ACBD3: variants seen among roughly 807,000 people sequenced by gnomAD.
ACBD3 encodes Golgi resident protein GCP60.
In ACBD3, 30 loss-of-function variants were observed where a neutral mutation model predicts 66.9. The observed-to-expected ratio is 0.45, with a 90% CI of 0.34 to 0.61. The LOEUF (loss-of-function observed/expected upper bound fraction) is 0.61. Among genes scored for constraint, ACBD3 ranks in the 20% least tolerant of loss-of-function variants. The pLI, the probability that ACBD3 is intolerant of heterozygous loss-of-function variation, is 0.02. For synonymous variants in ACBD3, 278 were observed against 259.8 expected (o/e 1.07, Z -0.68); for missense variants, 544 against 664.5 (o/e 0.82, Z 1.99).
At chr1:226,158,756 G>A (rs964463937) in intron 5 of ACBD3, among the ~76,000 whole-genome samples, 1 of 152,156 alleles carries the variant, frequency 6.6e-6, no homozygotes, top group African/African-American at 2.4e-5. Flanking sequence ...AAGTCAAATG[G>A]ACCCAATCTA....
At chr1:226,150,626 C>T (rs892278550) in intron 7 of ACBD3, among the ~76,000 whole-genome samples, 1 of 152,202 alleles carries the variant, frequency 6.6e-6, no homozygotes, top group Non-Finnish European at 1.5e-5. Flanking sequence ...ATCCACCCAC[C>T]TCGGCCTCCC....
At chr1:226,180,675 C>T (rs1318070173) in intron 1 of ACBD3, among the ~76,000 whole-genome samples, 1 of 152,098 alleles carries the variant, frequency 6.6e-6, no homozygotes, top group African/African-American at 2.4e-5. Flanking sequence ...AAAGGGAAGC[C>T]TCGGGAAAAT....
intron 7 of ACBD3, among the ~76,000 whole-genome samples, chr1:226,148,833 C>T (rs149141602): frequency 6.6e-6 from 1 of 152,292 alleles, no homozygotes; most frequent in East Asian, 1.9e-4. Flanking sequence ...TGGACAAATA[C>T]AATTTGTGAG....
chr1:226,166,301 C>T (rs1659877367), intron 1 of ACBD3, among the ~76,000 whole-genome samples: 1 of 151,140 alleles, frequency 6.6e-6, no homozygotes, highest in East Asian at 2.0e-4. Context: ...ACTACACGTG[C>T]GTGCCACCAA....
At chr1:226,157,046 C>A (rs555803027) in intron 5 of ACBD3, among the ~76,000 whole-genome samples, 6 of 152,006 alleles carry the variant, frequency 3.9e-5, no homozygotes, top group Non-Finnish European at 8.8e-5. Context: ...GGTATAAAAG[C>A]AACGTATCAA....
In ACBD3 at chr1:226,150,790, G is replaced by A. The variant is rs186535360; in HGVS notation, c.1375+1545C>T. ...TAAAGACTGATGAAAACAAAATGCC[G>A]TGTAAGACAAAGCAGCTCATGCTTC... On this transcript the variant is annotated intron_variant, in intron 7 of 7. Transcript: ENST00000366812. Among the ~76,000 whole-genome samples, 462 of 152,298 alleles carry A rather than the reference G, an allele frequency of 3.0e-3. 1 individual carries two copies. Among genetic ancestry groups the A allele is most frequent in the African/African-American group, 0.011 (438 of 41,568 alleles).
intron 6 of ACBD3, among the ~76,000 whole-genome samples, chr1:226,153,478 A>T (rs1659615582): frequency 6.6e-6 from 1 of 152,168 alleles, no homozygotes; most frequent in Admixed American, 6.5e-5. Flanking sequence ...ATCTCAGGTC[A>T]ATTGTCCCTT....
Position 226,161,568 on chromosome 1 carries a change from G to T in ACBD3, c.691C>A (p.Arg231=). Reference sequence around the variant, plus strand: ...AACCGAAGCCTTTCTTCTTCTATCCGTCTCCTTTCCTCTTCCTCCCGTCGA... The same window carrying T: ...AACCGAAGCCTTTCTTCTTCTATCCTTCTCCTTTCCTCTTCCTCCCGTCGA... ...RLRREEEERR[R]IEEERLRLEQ... The change falls in exon 4 of 8, where the codon CGG becomes AGG. Residue 231 remains arginine, a synonymous_variant. Coordinates refer to ENST00000366812, the MANE Select transcript of ACBD3 (RefSeq NM_022735.4). 1 of 1,612,934 alleles carries T rather than the reference G, an allele frequency of 6.2e-7. No homozygotes were observed. The highest frequency in any genetic ancestry group is 1.3e-5 in the African/African-American group (1 of 74,610).
chr1:226,167,337 C>A (rs1176650070), intron 1 of ACBD3, among the ~76,000 whole-genome samples: 1 of 152,176 alleles, frequency 6.6e-6, no homozygotes, highest in African/African-American at 2.4e-5. Flanking sequence ...AGCTATGTGA[C>A]TATTTAACCT....
intron 4 of ACBD3, among the ~76,000 whole-genome samples, 153 bp downstream of exon 4, chr1:226,161,360 CATCTCCCAACCTCAGGTG>C (rs1230308643): frequency 3.3e-5 from 5 of 151,958 alleles, no homozygotes; most frequent in East Asian, 1.9e-4. Context: ...GGATAGTCTC[CATCTCCCAACCTCAGGTG>C]ATCTCCCAAC....
chr1:226,149,712 T>A (rs1659530253), intron 7 of ACBD3, among the ~76,000 whole-genome samples: 2 of 150,752 alleles, frequency 1.3e-5, no homozygotes, highest in African/African-American at 2.4e-5. Context: ...AGCTAGTTTT[T>A]TGTATTTTTG....
At chr1:226,158,620 C>A (rs573077476) in intron 5 of ACBD3, among the ~76,000 whole-genome samples, 14 of 152,330 alleles carry the variant, frequency 9.2e-5, no homozygotes, top group African/African-American at 3.4e-4. Context: ...ATGAGACTCC[C>A]AGTCCCATGT....
chr1:226,185,579 T>C (rs1467592647), intron 1 of ACBD3, among the ~76,000 whole-genome samples: 4 of 151,654 alleles, frequency 2.6e-5, no homozygotes, highest in African/African-American at 4.9e-5. Flanking sequence ...AAAAATCATG[T>C]GATTGGTCTC....
rs1656315576 is a variant in ACBD3 at position 226,186,493 on chromosome 1, C to A, written c.183G>T (p.Gly61=). 1.3e-6 allele frequency: 2 copies of A among 1,486,254 alleles called. No individual in the cohort carries two copies. The highest frequency in any genetic ancestry group is 1.8e-6 in the Non-Finnish European group (2 of 1,120,546). The allele number at this position is 1,486,254 out of a possible 1,614,324, so 92.1% of individuals were successfully genotyped here. A position where few individuals can be genotyped will look rare whatever the true frequency, so the allele number is the denominator to read the frequency against. The change falls in exon 1 of 8, where the codon GGG becomes GGT. Residue 61 remains glycine (G), a synonymous_variant. Transcript: ENST00000366812. ...PGASGEQPEP[G]EAAAGGAAEE... ...CCGCCGCGCCCCCAGCCGCCGCCTC[C>A]CCGGGCTCGGGCTGCTCCCCTGAGG...
At chr1:226,161,126 C>T (rs980666535) in intron 4 of ACBD3, among the ~76,000 whole-genome samples, 8 of 149,670 alleles carry the variant, frequency 5.3e-5, no homozygotes, top group African/African-American at 2.0e-4. Flanking sequence ...AAGTGAACCC[C>T]CAAACCTTCT....
At chr1:226,172,152 T>C (rs1443913909) in intron 1 of ACBD3, among the ~76,000 whole-genome samples, 1 of 490 alleles carries the variant, frequency 2.0e-3, no homozygotes, top group Non-Finnish European at 5.4e-3. Context: ...CAAAACTCCA[T>C]CTCAAAAAAA....
At chr1:226,170,939 C>T (rs1323723001) in intron 1 of ACBD3, among the ~76,000 whole-genome samples, 1 of 151,764 alleles carries the variant, frequency 6.6e-6, no homozygotes, top group Admixed American at 6.6e-5. Flanking sequence ...GCCACTATGC[C>T]CAGTTAATTT....
At position 226,146,759 on chromosome 1, in the gene ACBD3, C is replaced by T; in HGVS notation, c.1438G>A (p.Val480Met). The T allele has an allele frequency of 6.2e-7, 1 of 1,614,162 alleles. No homozygotes were observed. Among genetic ancestry groups the T allele is most frequent in the Non-Finnish European group, 8.5e-7 (1 of 1,180,030 alleles). The change falls in exon 8 of 8, where the codon GTG (valine) becomes ATG (methionine). Residue 480 changes from valine (V) to methionine (M), a missense_variant. Around this residue, in one of 3 missense-constraint regions of ACBD3, gnomAD observed 383 missense variants for 462.4 expected, o/e 0.83. Transcript: ENST00000366812. ...TGACAGTCCCGTCGGTACACAGGCA[C>T]AATCTCATCCAGCAAAGGCTTGTTG... ...NANKPLLDEI[V>M]PVYRRDCHEE...
At chr1:226,160,321 CT>C (rs1659748446) in intron 4 of ACBD3, among the ~76,000 whole-genome samples, 1 of 152,056 alleles carries the variant, frequency 6.6e-6, no homozygotes, top group African/African-American at 2.4e-5. Context: ...AACCCCTGAC[CT>C]CAATCAAGTG....
Sources: gnomAD v4.1 joint callset for allele counts (sites outside exome capture counted in the v4.1 genomes callset) on GRCh38, gnomAD v4.1.1 for gene constraint, gnomAD v4.1.1 regional missense constraint, MANE v1.5 for transcripts, NCBI Gene and HGNC (gene_info 2026-07-23, HGNC 2026-07-21) for gene names.